NRXN1: variants seen among roughly 807,000 people sequenced by gnomAD.
The protein encoded by NRXN1 is neurexin-1.
Under a neutral mutation model 150.9 loss-of-function variants are expected in NRXN1, and 39 were observed. The observed-to-expected ratio is 0.26, with a 90% CI of 0.20 to 0.34. NRXN1 has a LOEUF of 0.34. Ranked by LOEUF, NRXN1 falls within the 10% of genes least tolerant of loss-of-function variation. The pLI is 1.00. For missense variants in NRXN1, 1,815 were observed against 1,949.9 expected (o/e 0.93, Z 1.30); for synonymous variants, 924 against 757.0 (o/e 1.22, Z -3.62).
At chr2:50,866,462 C>A (rs369091529) in intron 5 of NRXN1, among the ~76,000 whole-genome samples, 4 of 151,978 alleles carry the variant, frequency 2.6e-5, no homozygotes, top group East Asian at 3.9e-4. Flanking sequence ...TCTAAGGAGA[C>A]CAAAGGCAAT....
At chr2:50,021,058 T>C (rs1687489276) in intron 21 of NRXN1, among the ~76,000 whole-genome samples, 1 of 152,242 alleles carries the variant, frequency 6.6e-6, no homozygotes, top group South Asian at 2.1e-4. Flanking sequence ...TTAAGCCTTT[T>C]CTTAACTATT....
rs150354406 is a variant in NRXN1, at chr2:50,084,760, T to C, written c.3718+6563A>G. Among the ~76,000 whole-genome samples, 427 of 152,254 alleles carry C rather than the reference T, an allele frequency of 2.8e-3. 3 individuals are homozygous for C. Among genetic ancestry groups the C allele is most frequent in the African/African-American group, 9.7e-3 (403 of 41,556 alleles). ...GGGCTGCTAGCACGCTGTCACCTTT[T>C]AGTTGCCTTACAGTAACTGTAAAAA... On this transcript the variant is annotated intron_variant, in intron 19 of 22. Coordinates refer to ENST00000401669, the MANE Select transcript of NRXN1 (RefSeq NM_001330078.2).
rs1553526838 is a variant in NRXN1, at chr2:50,384,523, A to AAAT, written c.3364+80918_3364+80919insATT. 1.6e-3 allele frequency among the ~76,000 whole-genome samples: 222 copies of AAAT among 141,940 alleles called. 3 individuals are homozygous for AAAT. The highest frequency in any genetic ancestry group is 2.2e-3 in the South Asian group (10 of 4,540). 93.1% of individuals were successfully genotyped at this position (141,940 alleles called of 152,430 possible). Reference sequence around the variant, plus strand: ...TCCATCTCAAAAAAAAAAAAAAAAAAAAAAAAAAAAAATGCATCCTCTACA... The same window carrying AAAT: ...TCCATCTCAAAAAAAAAAAAAAAAAAAATAAAAAAAAAAAATGCATCCTCTACA... On this transcript the variant is annotated intron_variant, in intron 17 of 22. Transcript: ENST00000401669.
chr2:50,153,314 C>G (rs140000648), intron 18 of NRXN1, among the ~76,000 whole-genome samples: 15 of 151,342 alleles, frequency 9.9e-5, no homozygotes, highest in African/African-American at 3.4e-4. Flanking sequence ...AGTAAGTTTG[C>G]CATCTGGTTT....
At chr2:50,854,860 G>A (rs879626836) in intron 5 of NRXN1, among the ~76,000 whole-genome samples, 1 of 152,060 alleles carries the variant, frequency 6.6e-6, no homozygotes, top group East Asian at 1.9e-4. Context: ...ACTATGTAGT[G>A]TAGGATGATG....
intron 5 of NRXN1, among the ~76,000 whole-genome samples, chr2:50,844,057 C>T (rs116005888): frequency 9.2e-5 from 14 of 152,254 alleles, no homozygotes; most frequent in South Asian, 4.1e-4. Context: ...GTGAGAAACA[C>T]GCTCACCTGT....
chr2:50,628,858 GA>G (rs771403646), intron 5 of NRXN1, among the ~76,000 whole-genome samples: 1 of 151,112 alleles, frequency 6.6e-6, no homozygotes. Context: ...AAGCCAATGG[GA>G]AAAAAATGAT....
At chr2:50,548,313 G>T (rs943201572) in intron 9 of NRXN1, 1 of 152,066 alleles carries the variant, frequency 6.6e-6, no homozygotes, top group Admixed American at 6.6e-5. Context: ...TTACACATTC[G>T]CTAACAATTA....
intron 18 of NRXN1, among the ~76,000 whole-genome samples, chr2:50,168,986 C>T (rs542970082): frequency 6.6e-6 from 1 of 152,302 alleles, no homozygotes; most frequent in South Asian, 2.1e-4. Flanking sequence ...GAAACATCTT[C>T]AAACAGAATA....
intron 5 of NRXN1, among the ~76,000 whole-genome samples, chr2:50,846,211 T>G (rs1673631542): frequency 6.6e-6 from 1 of 152,156 alleles, no homozygotes; most frequent in Non-Finnish European, 1.5e-5. Flanking sequence ...GTTCATTTTG[T>G]TTTGTGTTTT....
At chr2:50,985,073 A>G (rs987451256) in intron 2 of NRXN1, among the ~76,000 whole-genome samples, 2 of 152,032 alleles carry the variant, frequency 1.3e-5, no homozygotes, top group Non-Finnish European at 2.9e-5. Flanking sequence ...AGTGCTAGAA[A>G]ACAAATGACA....
chr2:50,924,304 T>G (rs1046081661), intron 3 of NRXN1, among the ~76,000 whole-genome samples: 1 of 151,762 alleles, frequency 6.6e-6, no homozygotes, highest in Non-Finnish European at 1.5e-5. Context: ...AAAGGTCATA[T>G]TATAGATAGA....
intron 5 of NRXN1, among the ~76,000 whole-genome samples, chr2:50,821,501 A>G (rs957867816): frequency 6.6e-6 from 1 of 152,190 alleles, no homozygotes; most frequent in African/African-American, 2.4e-5. Context: ...TATATCCTTC[A>G]TAAGACTGTA....
chr2:50,840,152 C>G (rs759541), intron 5 of NRXN1, among the ~76,000 whole-genome samples: 1 of 152,076 alleles, frequency 6.6e-6, no homozygotes, highest in Non-Finnish European at 1.5e-5. Context: ...TTATTTAGAT[C>G]ATTATCTCTA....
At chr2:50,680,161 T>G (rs543027846) in intron 5 of NRXN1, among the ~76,000 whole-genome samples, 17 of 152,026 alleles carry the variant, frequency 1.1e-4, no homozygotes, top group African/African-American at 4.1e-4. Context: ...AAAATTGAAT[T>G]TAGGAAAAAC....
rs556144681 is a variant in NRXN1 at position 50,403,680 on chromosome 2, T to C, written c.3364+61762A>G. On this transcript the variant is annotated intron_variant, in intron 17 of 22. Transcript: ENST00000401669. ...AATGTAACTTAGTATTATGCTACTTTAAAATTTTTACAGCTTTGTAATACT... is the reference window on the plus strand; with the variant it reads ...AATGTAACTTAGTATTATGCTACTTCAAAATTTTTACAGCTTTGTAATACT... Among the ~76,000 whole-genome samples the C allele has an allele frequency of 9.9e-5, 15 of 152,280 alleles. No homozygotes were observed. In the South Asian group the frequency reaches 2.9e-3, roughly 29 times the overall value.
At chr2:50,389,022 G>C (rs1317624872) in intron 17 of NRXN1, among the ~76,000 whole-genome samples, 1 of 152,122 alleles carries the variant, frequency 6.6e-6, no homozygotes, top group African/African-American at 2.4e-5. Flanking sequence ...CCAAAAATCA[G>C]CCAGGTGTGG....
rs746736925 is a variant in NRXN1, at chr2:50,098,830, G to GTTTTTTTTTTTTTTTTTTTTTT, written c.3547-7358_3547-7337dup. Reference sequence around the variant, plus strand: ...GTGCATGGTTTTGTTTTTGGTTTTAGTTTTTTTTTTTTTTTTTTTTTTTTT... The same window carrying GTTTTTTTTTTTTTTTTTTTTTT: ...GTGCATGGTTTTGTTTTTGGTTTTAGTTTTTTTTTTTTTTTTTTTTTTTTTTTTTTTTTTTTTTTTTTTTTTT... On this transcript the variant is annotated intron_variant, in intron 18 of 22. Coordinates refer to ENST00000401669, the MANE Select transcript of NRXN1 (RefSeq NM_001330078.2). Among the ~76,000 whole-genome samples, 14 of 105,558 alleles carry GTTTTTTTTTTTTTTTTTTTTTT rather than the reference G, an allele frequency of 1.3e-4. 1 individual carries two copies. Among genetic ancestry groups the GTTTTTTTTTTTTTTTTTTTTTT allele is most frequent in the East Asian group, 3.1e-4 (1 of 3,272 alleles). 69.3% of individuals were successfully genotyped at this position (105,558 alleles called of 152,430 possible). A position where few individuals can be genotyped will look rare whatever the true frequency, so the allele number is the denominator to read the frequency against.
chr2:50,257,804 T>C (rs1178203422), intron 17 of NRXN1, among the ~76,000 whole-genome samples: 2 of 151,826 alleles, frequency 1.3e-5, no homozygotes, highest in African/African-American at 4.8e-5. Flanking sequence ...CAAAAACAAA[T>C]CTAGTAGCTA....
Sources: gnomAD v4.1 joint callset for allele counts (sites outside exome capture counted in the v4.1 genomes callset) on GRCh38, gnomAD v4.1.1 for gene constraint, MANE v1.5 for transcripts, NCBI Gene and HGNC (gene_info 2026-07-23, HGNC 2026-07-21) for gene names.